GDPD1: variants seen among roughly 807,000 people sequenced by gnomAD.
The protein encoded by GDPD1 is glycerophosphodiester phosphodiesterase domain containing 1, also known as lysophospholipase D GDPD1.
Under a neutral mutation model 45.1 loss-of-function variants are expected in GDPD1, and 28 were observed. The ratio of observed to expected loss-of-function variants is 0.62; its 90% CI spans 0.46 to 0.85. The LOEUF (loss-of-function observed/expected upper bound fraction) is 0.85. Among genes scored for constraint, GDPD1 ranks in the 40% least tolerant of loss-of-function variants. The pLI is 0.00. For missense variants in GDPD1, 256 were observed against 364.8 expected, an observed-to-expected ratio of 0.70 and a Z score of 2.43; for synonymous variants, 139 against 131.4, an observed-to-expected ratio of 1.06 and a Z score of -0.40.
At chr17:59,237,504 A>G (rs1597969035) in intron 2 of GDPD1, among the ~76,000 whole-genome samples, 1 of 152,224 alleles carries the variant, frequency 6.6e-6, no homozygotes, top group Non-Finnish European at 1.5e-5. Flanking sequence ...GATACATACT[A>G]TGCTTAAGTA....
At chr17:59,224,173 T>G (rs565683842) in intron 1 of GDPD1, among the ~76,000 whole-genome samples, 2 of 152,310 alleles carry the variant, frequency 1.3e-5, no homozygotes, top group South Asian at 4.1e-4. Flanking sequence ...TCCAAATGAT[T>G]TATGCATGCT....
At chr17:59,266,062 G>A (rs977720116) in intron 6 of GDPD1, among the ~76,000 whole-genome samples, 1 of 150,344 alleles carries the variant, frequency 6.7e-6, no homozygotes, top group African/African-American at 2.4e-5. Flanking sequence ...GGGGGTGGGG[G>A]TGGTGAGAAA....
At chr17:59,229,981 C>T (rs1334994248) in intron 1 of GDPD1, among the ~76,000 whole-genome samples, 1 of 152,172 alleles carries the variant, frequency 6.6e-6, no homozygotes, top group East Asian at 1.9e-4. Context: ...TGCTTGCTTG[C>T]TTGCTTATTC....
chr17:59,240,760 C>T (rs867641695), intron 2 of GDPD1, among the ~76,000 whole-genome samples: 3 of 152,216 alleles, frequency 2.0e-5, no homozygotes, highest in Middle Eastern at 3.4e-3. Context: ...CATGAGCCAC[C>T]GTGCCAGGTC....
intron 7 of GDPD1, among the ~76,000 whole-genome samples, chr17:59,268,438 G>A (rs1453387741): frequency 2.6e-5 from 4 of 151,754 alleles, no homozygotes; most frequent in African/African-American, 9.7e-5. Context: ...AATTCTCCGG[G>A]CGTGGTGGCG....
chr17:59,223,194 C>T (rs1333786010), intron 1 of GDPD1, among the ~76,000 whole-genome samples: 3 of 152,226 alleles, frequency 2.0e-5, no homozygotes, highest in East Asian at 1.9e-4. Context: ...TTCAATATTA[C>T]CTCTTATATA....
chr17:59,268,577 T>TC (rs2047417542), intron 7 of GDPD1, among the ~76,000 whole-genome samples: 1 of 26,650 alleles, frequency 3.8e-5, no homozygotes, highest in South Asian at 1.2e-3. Context: ...AGACTCTGTC[T>TC]CAAAAAAAAA....
At chr17:59,228,658 G>T (rs903365675) in intron 1 of GDPD1, among the ~76,000 whole-genome samples, 1 of 151,962 alleles carries the variant, frequency 6.6e-6, no homozygotes, top group Non-Finnish European at 1.5e-5. Flanking sequence ...TGAGGCAGGA[G>T]GATTGCTTGA....
At chr17:59,261,912 G>GTTTTTT (rs1568349072) in intron 6 of GDPD1, among the ~76,000 whole-genome samples, 2 of 98,956 alleles carry the variant, frequency 2.0e-5, no homozygotes, top group Admixed American at 1.0e-4. Flanking sequence ...GAGATTACAG[G>GTTTTTT]CTTTTTTTTT....
chr17:59,227,373 T>TG (rs1300590331), intron 1 of GDPD1, among the ~76,000 whole-genome samples: 1 of 151,682 alleles, frequency 6.6e-6, no homozygotes, highest in Non-Finnish European at 1.5e-5. Context: ...GAGCTGAGAT[T>TG]GCACCACTGC....
chr17:59,222,470 T>G (rs1240896831), intron 1 of GDPD1, among the ~76,000 whole-genome samples: 2 of 147,130 alleles, frequency 1.4e-5, no homozygotes, highest in East Asian at 2.0e-4. Flanking sequence ...CCTCCCAAAG[T>G]GCTGGAATTA....
rs1157016975 is a variant in GDPD1 at position 59,274,264 on chromosome 17, G to A, written c.*491G>A. The A allele has an allele frequency of 2.5e-5, 14 of 560,432 alleles. No individual in the cohort carries two copies. Among genetic ancestry groups the A allele is most frequent in the Non-Finnish European group, 3.2e-5 (14 of 441,636 alleles). 34.7% of individuals were successfully genotyped at this position (560,432 alleles called of 1,614,324 possible). On this transcript the variant is annotated 3_prime_UTR_variant, in exon 10 of 10. Transcript: ENST00000284116. ...GTGGTGGCTCATGCCTGTAATCCCA[G>A]CACTTTGGGAGGCTGAGACAGGCGG...
intron 7 of GDPD1, among the ~76,000 whole-genome samples, chr17:59,268,968 C>T (rs992258240): frequency 3.3e-5 from 5 of 151,772 alleles, no homozygotes; most frequent in Admixed American, 1.3e-4. Context: ...CCAGCCTGAG[C>T]GACAGAGCGA....
At position 59,255,756 on chromosome 17, in the gene GDPD1, AAAAAAAATAT is replaced by A. The variant is rs1424257925; in HGVS notation, c.368-1364_368-1355del. Among the ~76,000 whole-genome samples the A allele has an allele frequency of 3.7e-5, 3 of 80,806 alleles. 1 individual carries two copies. The highest frequency in any genetic ancestry group is 6.2e-4 in the East Asian group (2 of 3,210). The allele number at this position is 80,806 out of a possible 152,430, so 53.0% of individuals were successfully genotyped here. A position where few individuals can be genotyped will look rare whatever the true frequency, so the allele number is the denominator to read the frequency against. On this transcript the variant is annotated intron_variant, in intron 4 of 9. Transcript: ENST00000284116. ...GAAACTCCGTCTCAAAAAAAAAAAAAAAAAAAATATATATATATATATATATATACGCGTA... is the reference window on the plus strand; with the variant it reads ...GAAACTCCGTCTCAAAAAAAAAAAAAATATATATATATATATATACGCGTA...
intron 6 of GDPD1, among the ~76,000 whole-genome samples, chr17:59,259,471 G>A (rs1347402106): frequency 6.7e-6 from 1 of 150,054 alleles, no homozygotes; most frequent in Non-Finnish European, 1.5e-5. Context: ...GGAGGCTGAG[G>A]CAGGAGAATG....
intron 2 of GDPD1, among the ~76,000 whole-genome samples, chr17:59,244,940 G>A (rs1259748010): frequency 6.6e-6 from 1 of 152,158 alleles, no homozygotes; most frequent in Non-Finnish European, 1.5e-5. Flanking sequence ...AGGATGCAAT[G>A]AGCCATGATC....
At chr17:59,268,578 CAAAAAAAA>C (rs1176390251) in intron 7 of GDPD1, among the ~76,000 whole-genome samples, 4 of 35,362 alleles carry the variant, frequency 1.1e-4, no homozygotes, top group East Asian at 9.3e-4. Context: ...GACTCTGTCT[CAAAAAAAA>C]AAAAAAAAAA....
chr17:59,254,484 CA>C (rs2047281459), intron 4 of GDPD1, among the ~76,000 whole-genome samples: 5 of 151,892 alleles, frequency 3.3e-5, no homozygotes, highest in Non-Finnish European at 7.4e-5. Context: ...GAGCTGTGGT[CA>C]TGCTACTGCA....
intron 6 of GDPD1, among the ~76,000 whole-genome samples, chr17:59,265,131 G>A (rs891067181): frequency 2.0e-5 from 3 of 151,994 alleles, no homozygotes; most frequent in Admixed American, 6.6e-5. Flanking sequence ...GTGAGCAACC[G>A]CGCCCAGCCT....
Sources: allele counts gnomAD v4.1 joint callset (sites outside exome capture counted in the v4.1 genomes callset), GRCh38; gene constraint gnomAD v4.1.1; transcripts MANE v1.5; gene names NCBI Gene and HGNC (gene_info 2026-07-23, HGNC 2026-07-21).